PACS1: variants seen among roughly 807,000 people sequenced by gnomAD.
PACS1 encodes the protein phosphofurin acidic cluster sorting protein 1, also known as PACS-1.
A neutral mutation model predicts 115.0 loss-of-function variants in PACS1; 24 were observed. That is an observed-to-expected ratio of 0.21 (90% CI 0.15 to 0.29). The LOEUF (loss-of-function observed/expected upper bound fraction) is 0.29. Ranked by LOEUF, PACS1 falls within the 10% of genes least tolerant of loss-of-function variation. The pLI, the probability that PACS1 is intolerant of heterozygous loss-of-function variation, is 1.00. For synonymous variants in PACS1, 453 were observed against 504.5 expected (o/e 0.90, Z 1.37); for missense variants, 838 against 1,251.2 (o/e 0.67, Z 4.98).
At chr11:66,197,771 A>T (rs924275223) in intron 2 of PACS1, among the ~76,000 whole-genome samples, 1 of 152,230 alleles carries the variant, frequency 6.6e-6, no homozygotes, top group Non-Finnish European at 1.5e-5. Flanking sequence ...TACCCTGGGC[A>T]ACAGAACGAG....
chr11:66,164,894 G>A (rs763687503), intron 1 of PACS1, among the ~76,000 whole-genome samples: 1 of 152,042 alleles, frequency 6.6e-6, no homozygotes, highest in South Asian at 2.1e-4. Flanking sequence ...AACCACAAGA[G>A]ATCTTAGAGA....
chr11:66,167,066 T>TCA (rs966154325), intron 1 of PACS1, among the ~76,000 whole-genome samples: 1 of 150,458 alleles, frequency 6.6e-6, no homozygotes, highest in African/African-American at 2.5e-5. Context: ...TGCCGCATCT[T>TCA]CACACACACC....
intron 1 of PACS1, among the ~76,000 whole-genome samples, chr11:66,151,782 G>A (rs1859247393): frequency 6.6e-6 from 1 of 152,188 alleles, no homozygotes; most frequent in Non-Finnish European, 1.5e-5. Context: ...CATCTAAGTG[G>A]GTACAGTGTT....
intron 1 of PACS1, among the ~76,000 whole-genome samples, chr11:66,111,938 A>C (rs921008428): frequency 3.3e-5 from 5 of 152,122 alleles, no homozygotes; most frequent in African/African-American, 9.7e-5. Context: ...GAGCCACTGC[A>C]CCCAGCTCAG....
intron 1 of PACS1, among the ~76,000 whole-genome samples, chr11:66,096,610 TC>T (rs1857788715): frequency 6.6e-6 from 1 of 151,582 alleles, no homozygotes; most frequent in South Asian, 2.1e-4. Flanking sequence ...TTCAAGCGAT[TC>T]TCCTGCCTCA....
chr11:66,114,910 A>G (rs964263724), intron 1 of PACS1, among the ~76,000 whole-genome samples: 2 of 152,150 alleles, frequency 1.3e-5, no homozygotes, highest in African/African-American at 4.8e-5. Flanking sequence ...TAAGGATTAG[A>G]ACTAGAACCA....
chr11:66,199,348 G>A (rs1014354740), intron 2 of PACS1, among the ~76,000 whole-genome samples: 1 of 151,096 alleles, frequency 6.6e-6, no homozygotes, highest in Non-Finnish European at 1.5e-5. Context: ...GGGGGATGAA[G>A]TTGAACTATA....
At position 66,214,539 on chromosome 11, in the gene PACS1, T is replaced by TTCCC. The variant is rs770695471; in HGVS notation, c.661-1564_661-1561dup. ...CTTTCTTTCCTTTCCTTCCTTTCCT[T>TTCCC]TCCCTCCCTCCCTCCCTCCATCTTC... On this transcript the variant is annotated intron_variant, in intron 4 of 23. Coordinates refer to ENST00000320580, the MANE Select transcript of PACS1 (RefSeq NM_018026.4). Among the ~76,000 whole-genome samples, 535 of 151,020 alleles carry TTCCC rather than the reference T, an allele frequency of 3.5e-3. 5 individuals carry two copies. Among genetic ancestry groups the TTCCC allele is most frequent in the African/African-American group, 0.012 (503 of 41,010 alleles).
At chr11:66,077,994 G>C (rs1400465865) in intron 1 of PACS1, among the ~76,000 whole-genome samples, 1 of 152,150 alleles carries the variant, frequency 6.6e-6, no homozygotes, top group Non-Finnish European at 1.5e-5. Context: ...AAGCAACCAT[G>C]CCTGGCCAAC....
intron 1 of PACS1, among the ~76,000 whole-genome samples, chr11:66,175,649 G>A (rs1859840381): frequency 6.6e-6 from 1 of 152,188 alleles, no homozygotes; most frequent in Non-Finnish European, 1.5e-5. Flanking sequence ...AGGGGACATG[G>A]AGTGTGCTTA....
chr11:66,236,633 G>A lies in PACS1; in HGVS notation c.2250+693G>A, dbSNP rs1855710004. ...GGGCCACAGGCTCAGCCTGACCTAGGGAGGGGTCCGGGGGAGCTGTGCAGT... is the reference window on the plus strand; with the variant it reads ...GGGCCACAGGCTCAGCCTGACCTAGAGAGGGGTCCGGGGGAGCTGTGCAGT... On this transcript the variant is annotated intron_variant, in intron 19 of 23. Transcript: ENST00000320580. This position sits in a 1 kb window ranked among gnomAD's most constrained non-coding sequence, Gnocchi z 4.2. 6.6e-6 allele frequency among the ~76,000 whole-genome samples: 1 copy of A among 152,232 alleles called. No homozygotes were observed. The highest frequency in any genetic ancestry group is 2.4e-5 in the African/African-American group (1 of 41,472).
intron 1 of PACS1, among the ~76,000 whole-genome samples, chr11:66,080,517 G>C (rs1327339755): frequency 3.3e-5 from 5 of 152,172 alleles, no homozygotes; most frequent in Admixed American, 3.3e-4. Flanking sequence ...AGCATTTACT[G>C]TGTGCCACAA....
intron 4 of PACS1, among the ~76,000 whole-genome samples, chr11:66,214,626 T>TC (rs1441422779): frequency 6.9e-6 from 1 of 144,794 alleles, no homozygotes; most frequent in African/African-American, 2.5e-5. Context: ...TTTTCTTTTT[T>TC]TTTTTTTTTT....
intron 1 of PACS1, among the ~76,000 whole-genome samples, chr11:66,171,852 T>C (rs140106657): frequency 0.022 from 3,257 of 148,464 alleles, 169 homozygotes; most frequent in African/African-American, 0.08. Context: ...GTGCTGGGAT[T>C]ACAGGCTTGA....
intron 1 of PACS1, among the ~76,000 whole-genome samples, chr11:66,102,789 C>G (rs1033204752): frequency 1.3e-5 from 2 of 152,046 alleles, no homozygotes; most frequent in African/African-American, 4.8e-5. Context: ...ATTACTGAAC[C>G]TCGGAGTGAG....
intron 1 of PACS1, among the ~76,000 whole-genome samples, chr11:66,073,821 A>ATGAG: frequency 1.3e-5 from 2 of 151,430 alleles, no homozygotes; most frequent in African/African-American, 4.9e-5. Flanking sequence ...TGGCACAGTC[A>ATGAG]TAGCTCACTG....
chr11:66,088,889 CTTTA>C (rs951517274), intron 1 of PACS1, among the ~76,000 whole-genome samples: 18 of 152,092 alleles, frequency 1.2e-4, no homozygotes, highest in Non-Finnish European at 2.1e-4. Context: ...ACATATGTCC[CTTTA>C]TTTATTTAGG....
chr11:66,161,427 TGAGGGACAGAGCAA>T (rs1859486579), intron 1 of PACS1, among the ~76,000 whole-genome samples: 1 of 152,134 alleles, frequency 6.6e-6, no homozygotes, highest in South Asian at 2.1e-4. Context: ...TACTCTAGCC[TGAGGGACAGAGCAA>T]GAATCTATCT....
intron 1 of PACS1, among the ~76,000 whole-genome samples, chr11:66,095,792 A>G (rs770866313): frequency 2.0e-5 from 3 of 152,136 alleles, no homozygotes; most frequent in South Asian, 2.1e-4. Context: ...AAAGTTATAC[A>G]TATATTTTAG....
Sources: allele counts gnomAD v4.1 joint callset (sites outside exome capture counted in the v4.1 genomes callset), GRCh38; gene constraint gnomAD v4.1.1; non-coding constraint Gnocchi (gnomAD v3.1); transcripts MANE v1.5; gene names NCBI Gene and HGNC (gene_info 2026-07-23, HGNC 2026-07-21).